The following CRPPA variants were observed in gnomAD, a reference collection of about 807,000 sequenced individuals.
CRPPA encodes CDP-L-ribitol pyrophosphorylase A.
Under a neutral mutation model 52.0 loss-of-function variants are expected in CRPPA, and 43 were observed. The ratio of observed to expected loss-of-function variants is 0.83; its 90% confidence interval spans 0.65 to 1.07. CRPPA has a LOEUF of 1.07. Ranked by LOEUF, CRPPA falls within the 50% of genes least tolerant of loss-of-function variation. The pLI is 0.00. For synonymous variants in CRPPA, 250 were observed against 203.5 expected (o/e 1.23, Z -1.94); for missense variants, 629 against 551.7 (o/e 1.14, Z -1.40).
At chr7:16,256,397 G>T (rs1383967243) in intron 8 of CRPPA, among the ~76,000 whole-genome samples, 1 of 152,098 alleles carries the variant, frequency 6.6e-6, no homozygotes, top group Non-Finnish European at 1.5e-5. Flanking sequence ...ATTAGACCCA[G>T]CAATCCCATT....
chr7:16,144,755 TG>T (rs1297606046), intron 9 of CRPPA, among the ~76,000 whole-genome samples: 5 of 152,100 alleles, frequency 3.3e-5, no homozygotes, highest in Admixed American at 3.3e-4. Context: ...GGCTGGCTGA[TG>T]GGGGCTGCAT....
At chr7:16,181,296 C>A (rs1384329887) in intron 9 of CRPPA, among the ~76,000 whole-genome samples, 2 of 151,866 alleles carry the variant, frequency 1.3e-5, no homozygotes, top group Non-Finnish European at 1.5e-5. Flanking sequence ...CCTTTGAAAA[C>A]TACTTCCTTT....
intron 8 of CRPPA, among the ~76,000 whole-genome samples, chr7:16,251,245 C>G (rs546796675): frequency 2.8e-4 from 42 of 152,224 alleles, no homozygotes; most frequent in African/African-American, 9.1e-4. Context: ...TAGAGACCTA[C>G]AAAGAGAATT....
At chr7:16,298,441 C>T (rs758004130) in intron 5 of CRPPA, among the ~76,000 whole-genome samples, 2 of 152,130 alleles carry the variant, frequency 1.3e-5, no homozygotes, top group Non-Finnish European at 2.9e-5. Flanking sequence ...CTCTCAAATA[C>T]CCTATTATAT....
intron 9 of CRPPA, among the ~76,000 whole-genome samples, chr7:16,099,250 C>T (rs1398728443): frequency 1.4e-5 from 2 of 146,728 alleles, no homozygotes; most frequent in South Asian, 2.2e-4. Context: ...AAGACCCTAT[C>T]TCTTTAAAAA....
In CRPPA at chr7:16,216,071, G is replaced by A. The variant is rs373134516; in HGVS notation, c.1246C>T (p.Pro416Ser). The change falls in exon 9 of 10, where the codon CCA becomes TCA. Residue 416 changes from proline (P) to serine (S), a missense_variant. Transcript: ENST00000407010. The part of the protein sequence containing the change: ...ILLYGLLISY[P>S]QDDQKLQESL... ...AAGATAAACATTTTACCTACCTGTG[G>A]GTAAGATATGAGAAGCCCATATAAC... 499 of 1,582,926 alleles carry A rather than the reference G, an allele frequency of 3.2e-4. 5 individuals are homozygous for A. In the South Asian group the frequency reaches 3.6e-3, roughly 12 times the overall value.
At chr7:16,349,128 T>C (rs1014014307) in intron 3 of CRPPA, among the ~76,000 whole-genome samples, 1 of 152,148 alleles carries the variant, frequency 6.6e-6, no homozygotes, top group Non-Finnish European at 1.5e-5. Flanking sequence ...TAGAAGAAAC[T>C]AGAAGACCAT....
chr7:16,334,297 C>T (rs967742986), intron 3 of CRPPA, among the ~76,000 whole-genome samples: 1 of 152,124 alleles, frequency 6.6e-6, no homozygotes, highest in African/African-American at 2.4e-5. Flanking sequence ...CCACCTAATC[C>T]TAGTAATAGA....
At chr7:16,342,771 A>C (rs1302083633) in intron 3 of CRPPA, among the ~76,000 whole-genome samples, 2 of 43,968 alleles carry the variant, frequency 4.5e-5, no homozygotes, top group African/African-American at 1.4e-4. Context: ...CACAAAAAAA[A>C]AAAAAAAAAA....
intron 9 of CRPPA, among the ~76,000 whole-genome samples, chr7:16,180,296 C>T (rs560534635): frequency 8.0e-4 from 121 of 151,968 alleles, no homozygotes; most frequent in African/African-American, 2.7e-3. Context: ...CAGATAGGGC[C>T]GGGAACCAGA....
chr7:16,263,061 A>C (rs1356592707), intron 6 of CRPPA, among the ~76,000 whole-genome samples: 1 of 152,196 alleles, frequency 6.6e-6, no homozygotes, highest in Non-Finnish European at 1.5e-5. Context: ...TATATTGTAC[A>C]TCTTTAGACA....
intron 9 of CRPPA, among the ~76,000 whole-genome samples, chr7:16,100,504 A>G (rs938771883): frequency 6.6e-6 from 1 of 152,224 alleles, no homozygotes; most frequent in Non-Finnish European, 1.5e-5. Flanking sequence ...TAAAGAGGTG[A>G]CCTTTTAGCT....
chr7:16,286,097 A>AAAATATATATATATATAT lies in CRPPA; in HGVS notation c.836-7872_836-7871insATATATATATATATATTT. 1.5e-3 allele frequency among the ~76,000 whole-genome samples: 58 copies of AAAATATATATATATATAT among 39,112 alleles called. 2 individuals carry two copies. The highest frequency in any genetic ancestry group is 1.8e-3 in the Non-Finnish European group (45 of 24,640). The allele number at this position is 39,112 out of a possible 152,430, so 25.7% of individuals were successfully genotyped here. ...TATATATATAATATTTAAAAAAAAAAATATATATATATATATATATGCCAA... is the reference window on the plus strand; with the variant it reads ...TATATATATAATATTTAAAAAAAAAAAAATATATATATATATATATATATATATATATATATATGCCAA... On this transcript the variant is annotated intron_variant, in intron 5 of 9. Transcript: ENST00000407010.
In CRPPA at chr7:16,216,163, C is replaced by T; in HGVS notation, c.1154G>A (p.Ser385Asn). Residue 385 changes from serine (S) to asparagine (N), a missense_variant, in exon 9 of 10, where the codon AGT becomes AAT. Transcript: ENST00000407010. ...HFLDFKLVPP[S>N]QKMENLMQIR... The stretch of plus-strand genomic sequence containing the variant: ...CTGCATTAGGTTTTCCATTTTCTGA[C>T]TGGGAGGTACTAATTTAAAATCAAG... 6.3e-7 allele frequency: 1 copy of T among 1,587,110 alleles called. No individual in the cohort carries two copies. Among genetic ancestry groups the T allele is most frequent in the South Asian group, 1.1e-5 (1 of 88,290 alleles).
At chr7:16,274,938 A>G (rs370998800) in intron 6 of CRPPA, among the ~76,000 whole-genome samples, 28 of 152,250 alleles carry the variant, frequency 1.8e-4, no homozygotes, top group Middle Eastern at 3.4e-3. Context: ...CCAAAAACCT[A>G]TAGACATTAT....
chr7:16,225,714 G>T (rs918454480), intron 8 of CRPPA, among the ~76,000 whole-genome samples: 41 of 151,644 alleles, frequency 2.7e-4, no homozygotes, highest in Admixed American at 2.4e-3. Flanking sequence ...GGCCATGTAG[G>T]CATGCATTAC....
chr7:16,103,099 T>G (rs767203453), intron 9 of CRPPA, among the ~76,000 whole-genome samples: 7 of 152,188 alleles, frequency 4.6e-5, no homozygotes, highest in Non-Finnish European at 1.0e-4. Flanking sequence ...ATGTGGCACA[T>G]GTACACCATG....
chr7:16,324,693 T>A lies in CRPPA; in HGVS notation c.685-16066A>T, dbSNP rs115800919. The stretch of plus-strand genomic sequence containing the variant: ...TACACTCTTTAAATCACTAACATCA[T>A]TATCTGCTCATGACATAACAACACA... On this transcript the variant is annotated intron_variant, in intron 3 of 9. Coordinates refer to ENST00000407010, the MANE Select transcript of CRPPA (RefSeq NM_001101426.4). 2.9e-3 allele frequency among the ~76,000 whole-genome samples: 445 copies of A among 152,304 alleles called. 3 individuals are homozygous for A. The highest frequency in any genetic ancestry group is 0.01 in the African/African-American group (436 of 41,558).
chr7:16,124,274 G>C (rs905804991), intron 9 of CRPPA, among the ~76,000 whole-genome samples: 2 of 151,886 alleles, frequency 1.3e-5, no homozygotes, highest in African/African-American at 2.4e-5. Context: ...TTGTGGTTTA[G>C]ATTTGCTAAT....
Sources: gnomAD v4.1 joint callset for allele counts (sites outside exome capture counted in the v4.1 genomes callset) on GRCh38, gnomAD v4.1.1 for gene constraint, MANE v1.5 for transcripts, NCBI Gene and HGNC (gene_info 2026-07-23, HGNC 2026-07-21) for gene names.